The following FSTL3 variants were observed in gnomAD, a reference collection of about 807,000 sequenced individuals.
The protein encoded by FSTL3 is follistatin like 3.
FSTL3 carries 21 observed loss-of-function variants against 28.1 expected under a neutral mutation model. The ratio of observed to expected loss-of-function variants is 0.75; its 90% CI spans 0.53 to 1.08. The LOEUF (loss-of-function observed/expected upper bound fraction) is 1.08. Ranked by LOEUF, FSTL3 falls within the 50% of genes least tolerant of loss-of-function variation. FSTL3 has a pLI of 0.00. For missense variants in FSTL3, 400 were observed against 380.9 expected (o/e 1.05, Z -0.42); for synonymous variants, 199 against 164.2 (o/e 1.21, Z -1.62).
At chr19:680,640 G>A (rs999583422) in intron 3 of FSTL3, 151 bp downstream of exon 3, 2 of 446,590 alleles carry the variant, frequency 4.5e-6, no homozygotes, top group African/African-American at 4.2e-5. Flanking sequence ...CTACCGCAAT[G>A]CGTGAGGGCC....
chr19:679,914 G>A (rs1282290264), intron 2 of FSTL3: 2 of 169,378 alleles, frequency 1.2e-5, no homozygotes, highest in Admixed American at 6.3e-5. Context: ...CCAGAAGAGC[G>A]CGTGCATCGG....
chr19:680,968 C>CCAGGGCA lies in FSTL3; in HGVS notation c.506-365_506-364insCAGGGCA, dbSNP rs1337029283. ...GCATGATGGAACCAGGGGGGTGAGA[C>CCAGGGCA]TGGGTCATGTAAGGGGCGGGGCTCT... is the stretch of plus-strand genomic sequence containing the variant. On this transcript the variant is annotated intron_variant, in intron 3 of 4. Transcript: ENST00000166139. 1,118 of 288,716 alleles carry CCAGGGCA rather than the reference C, an allele frequency of 3.9e-3. 4 individuals are homozygous for CCAGGGCA. The highest frequency in any genetic ancestry group is 6.0e-3 in the Admixed American group (117 of 19,360). 17.9% of individuals were successfully genotyped at this position (288,716 alleles called of 1,614,324 possible).
chr19:680,244 C>A, intron 2 of FSTL3, 30 bp from the exon 3 acceptor site: 6 of 1,314,842 alleles, frequency 4.6e-6, no homozygotes, highest in Non-Finnish European at 4.9e-6. Context: ...CTCCCGCGCC[C>A]GGCCCCACGC....
chr19:682,088 G>A lies in FSTL3; in HGVS notation c.*380G>A. 1 of 407,964 alleles carries A rather than the reference G, an allele frequency of 2.5e-6. No homozygotes were observed. The highest frequency in any genetic ancestry group is 4.2e-5 in the East Asian group (1 of 24,068). 25.3% of individuals were successfully genotyped at this position (407,964 alleles called of 1,614,324 possible). ...TTCTCTGCTGGTAATTCCTGAAGAG[G>A]CATGACTGCTTTTCTCAGCCCCAAG... On this transcript the variant is annotated 3_prime_UTR_variant, in exon 5 of 5. Transcript: ENST00000166139.
chr19:680,920 G>C (rs1177238633), intron 3 of FSTL3: 2 of 257,322 alleles, frequency 7.8e-6, no homozygotes, highest in Admixed American at 4.9e-5. Flanking sequence ...CTCAGAGAGG[G>C]GCTTGTGGGT....
At chr19:680,043 GC>G in intron 2 of FSTL3, 1 of 66,518 alleles carries the variant, frequency 1.5e-5, no homozygotes, top group Non-Finnish European at 2.9e-5. Context: ...CCCAGCCCCC[GC>G]CCCCCAGCGC....
At chr19:679,805 C>T (rs1303850808) in intron 2 of FSTL3, among the ~76,000 whole-genome samples, 1 of 152,178 alleles carries the variant, frequency 6.6e-6, no homozygotes, top group African/African-American at 2.4e-5. Context: ...GCCCCGCCCT[C>T]CCCGACGCCT....
Position 682,031 on chromosome 19 carries a change from T to C in FSTL3, c.*323T>C. The C allele has an allele frequency of 2.1e-6, 1 of 479,052 alleles. No individual in the cohort carries two copies. The highest frequency in any genetic ancestry group is 3.8e-6 in the Non-Finnish European group (1 of 261,728). 29.7% of individuals were successfully genotyped at this position (479,052 alleles called of 1,614,324 possible). On this transcript the variant is annotated 3_prime_UTR_variant, in exon 5 of 5. Coordinates refer to ENST00000166139, the MANE Select transcript of FSTL3 (RefSeq NM_005860.3). ...TTCCGCTCCTTTGGGGATAAACCTA[T>C]TAATTATTGCTACTATCAAGAGGGC...
At chr19:677,633 AG>A (rs923433262) in intron 1 of FSTL3, among the ~76,000 whole-genome samples, 158 bp from the exon 2 acceptor site, 2 of 151,922 alleles carry the variant, frequency 1.3e-5, no homozygotes, top group Admixed American at 6.6e-5. Context: ...TTCTGGAGCC[AG>A]GGTGGGGACA....
intron 1 of FSTL3, among the ~76,000 whole-genome samples, chr19:676,880 G>A (rs930999247): frequency 4.7e-5 from 7 of 149,050 alleles, no homozygotes; most frequent in African/African-American, 1.7e-4. Flanking sequence ...TTCTAGCCGC[G>A]ACCGTCCGGG....
In FSTL3 at chr19:681,713, G is replaced by C. The variant is rs377149734; in HGVS notation, c.*5G>C. The C allele has an allele frequency of 2.6e-6, 4 of 1,553,704 alleles. No homozygotes were observed. The African/African-American group carries it at 5.5e-5, about 21-fold the overall frequency. On this transcript the variant is annotated 3_prime_UTR_variant, in exon 5 of 5. Transcript: ENST00000166139. ...GAGGAAGAGAACTTCGTGTGAGCCTGCAGGACAGGCCTGGGCCTGGTGCCC... is the reference window on the plus strand; with the variant it reads ...GAGGAAGAGAACTTCGTGTGAGCCTCCAGGACAGGCCTGGGCCTGGTGCCC...
In FSTL3 at chr19:681,923, G is replaced by C; in HGVS notation, c.*215G>C. The C allele has an allele frequency of 1.7e-6, 1 of 596,778 alleles. No individual in the cohort carries two copies. The highest frequency in any genetic ancestry group is 2.8e-5 in the East Asian group (1 of 35,966). 37.0% of individuals were successfully genotyped at this position (596,778 alleles called of 1,614,324 possible). A position where few individuals can be genotyped will look rare whatever the true frequency, so the allele number is the denominator to read the frequency against. ...GTGGGTGGGATAGACCTGCGTTCCG[G>C]ACACTGAGCGCCTGATTTAGGGCCC... On this transcript the variant is annotated 3_prime_UTR_variant, in exon 5 of 5. Coordinates refer to ENST00000166139, the MANE Select transcript of FSTL3 (RefSeq NM_005860.3).
intron 3 of FSTL3, 121 bp from the exon 4 acceptor site, chr19:681,212 C>T (rs2031325962): frequency 4.7e-6 from 3 of 645,072 alleles, no homozygotes; most frequent in African/African-American, 3.8e-5. Context: ...CGGGGGGGTG[C>T]TTGTGTCTCC....
intron 1 of FSTL3, among the ~76,000 whole-genome samples, chr19:676,745 G>C (rs902469158): frequency 6.6e-6 from 1 of 152,170 alleles, no homozygotes. Flanking sequence ...TGAGCGCTTA[G>C]TGTCTACCTC....
At position 681,508 on chromosome 19, in the gene FSTL3, C is replaced by T. The variant is rs745996532; in HGVS notation, c.681C>T (p.Ala227=). The change falls in exon 4 of 5, where the codon GCC becomes GCT. Residue 227 remains alanine (A), a synonymous_variant. Transcript: ENST00000166139. ...TCTCCTCGTGCCACATGCGCCAGGC[C>T]ACCTGCTTCCTGGGCCGCTCCATCG... ...TYISSCHMRQ[A]TCFLGRSIGV... The T allele has an allele frequency of 2.5e-6, 4 of 1,606,088 alleles. No individual in the cohort carries two copies. Among genetic ancestry groups the T allele is most frequent in the Non-Finnish European group, 3.4e-6 (4 of 1,179,708 alleles).
rs2031304568 is a variant in FSTL3, at chr19:680,458, CCTGAGCGTCATG to C, written c.475_486del (p.Leu159_Met162del). 1 of 1,259,494 alleles carries C rather than the reference CCTGAGCGTCATG, an allele frequency of 7.9e-7. No homozygotes were observed. The allele number at this position is 1,259,494 out of a possible 1,614,324, so 78.0% of individuals were successfully genotyped here. A position where few individuals can be genotyped will look rare whatever the true frequency, so the allele number is the denominator to read the frequency against. ...CCGCGCGCTGCCGCGGCCACCCGGACCTGAGCGTCATGTACCGGGGCCGCTGCCGCAGTACGT... is the reference window on the plus strand; with the variant it reads ...CCGCGCGCTGCCGCGGCCACCCGGACTACCGGGGCCGCTGCCGCAGTACGT... On this transcript the variant is annotated inframe_deletion, in exon 3 of 5. Coordinates refer to ENST00000166139, the MANE Select transcript of FSTL3 (RefSeq NM_005860.3).
At chr19:679,122 G>A (rs1282131622) in intron 2 of FSTL3, among the ~76,000 whole-genome samples, 1 of 152,046 alleles carries the variant, frequency 6.6e-6, no homozygotes, top group Admixed American at 6.5e-5. Flanking sequence ...GCTTCTGGGA[G>A]AAGGACAGTC....
At chr19:678,102 G>A (rs535773476) in intron 2 of FSTL3, 125 bp downstream of exon 2, 29 of 857,892 alleles carry the variant, frequency 3.4e-5, no homozygotes, top group Non-Finnish European at 4.8e-5. Flanking sequence ...GAGGCTGCAG[G>A]GGGATCCCAG....
chr19:677,532 C>A (rs1420047770), intron 1 of FSTL3, among the ~76,000 whole-genome samples: 1 of 18,734 alleles, frequency 5.3e-5, no homozygotes, highest in African/African-American at 2.2e-4. Context: ...TTGGAGGGTA[C>A]GGGAAGGGAC....
Sources: gnomAD v4.1 joint callset for allele counts (sites outside exome capture counted in the v4.1 genomes callset) on GRCh38, gnomAD v4.1.1 for gene constraint, MANE v1.5 for transcripts, NCBI Gene and HGNC (gene_info 2026-07-23, HGNC 2026-07-21) for gene names.